The following CCDC93 variants were observed in gnomAD, a reference collection of about 807,000 sequenced individuals.
The protein encoded by CCDC93 is CCC complex scaffolding subunit CCDC93.
In CCDC93, 61 loss-of-function variants were observed where a neutral mutation model predicts 108.2. That is an observed-to-expected ratio of 0.56 (90% CI 0.46 to 0.70). The LOEUF is 0.70. Among genes scored for constraint, CCDC93 ranks in the 30% least tolerant of loss-of-function variants. The pLI, the probability that CCDC93 is intolerant of heterozygous loss-of-function variation, is 0.00. For synonymous variants in CCDC93, 276 were observed against 260.4 expected, an observed-to-expected ratio of 1.06 and a Z score of -0.58; for missense variants, 685 against 764.2, an observed-to-expected ratio of 0.90 and a Z score of 1.22.
intron 5 of CCDC93, 24 bp downstream of exon 5, chr2:117,996,240 A>G (rs1680641816): frequency 3.3e-6 from 5 of 1,505,030 alleles, no homozygotes; most frequent in Non-Finnish European, 4.6e-6. Context: ...CAGTGGGACA[A>G]GAAAATAAAA....
chr2:117,943,972 T>C lies in CCDC93; in HGVS notation c.1413+52A>G. On this transcript the variant is annotated intron_variant, in intron 18 of 23. Coordinates refer to ENST00000376300, the MANE Select transcript of CCDC93 (RefSeq NM_019044.5). ...GACTTTCTAGTTATGTCATAGGACA[T>C]TTATACCTAGTTAGAAGCATTTATG... 2.4e-6 allele frequency: 3 copies of C among 1,270,054 alleles called. No homozygotes were observed. In the South Asian group the frequency reaches 4.1e-5, roughly 17 times the overall value. The allele number at this position is 1,270,054 out of a possible 1,614,324, so 78.7% of individuals were successfully genotyped here. A position where few individuals can be genotyped will look rare whatever the true frequency, so the allele number is the denominator to read the frequency against.
Position 117,948,091 on chromosome 2 carries a change from C to A in CCDC93, c.1224+14G>T. On this transcript the variant is annotated intron_variant, in intron 15 of 23. Transcript: ENST00000376300. ...AGCGTCCTGGTTTATTTGCTGACACCAAACAACACTTACTCGACAATGTGC... is the reference window on the plus strand; with the variant it reads ...AGCGTCCTGGTTTATTTGCTGACACAAAACAACACTTACTCGACAATGTGC... 1 of 1,602,344 alleles carries A rather than the reference C, an allele frequency of 6.2e-7. No homozygotes were observed.
At chr2:117,926,339 T>C (rs1678094346) in intron 23 of CCDC93, among the ~76,000 whole-genome samples, 1 of 152,112 alleles carries the variant, frequency 6.6e-6, no homozygotes, top group South Asian at 2.1e-4. Flanking sequence ...AGCTGGTTTT[T>C]TGAAAAGATC....
intron 23 of CCDC93, among the ~76,000 whole-genome samples, chr2:117,927,313 AAAG>A (rs1435376828): frequency 1.3e-5 from 2 of 152,178 alleles, no homozygotes; most frequent in African/African-American, 2.4e-5. Flanking sequence ...TCAATTAGGA[AAAG>A]AAGAAGTCAA....
chr2:117,963,601 T>C (rs1391093015), intron 11 of CCDC93, among the ~76,000 whole-genome samples: 1 of 152,230 alleles, frequency 6.6e-6, no homozygotes, highest in African/African-American at 2.4e-5. Flanking sequence ...CCCATAGTTA[T>C]GTAACCTTGT....
At chr2:117,938,172 G>A (rs1373741374) in intron 20 of CCDC93, among the ~76,000 whole-genome samples, 1 of 152,126 alleles carries the variant, frequency 6.6e-6, no homozygotes, top group Non-Finnish European at 1.5e-5. Flanking sequence ...CATCATCAAT[G>A]CAATTAGGTG....
chr2:117,984,309 T>C (rs1463771930), intron 7 of CCDC93, among the ~76,000 whole-genome samples: 1 of 152,050 alleles, frequency 6.6e-6, no homozygotes, highest in Admixed American at 6.6e-5. Flanking sequence ...GGAACCAGGA[T>C]TGGTATCAAG....
intron 1 of CCDC93, 28 bp from the exon 2 acceptor site, chr2:118,008,686 G>A (rs1676941371): frequency 1.4e-6 from 2 of 1,460,704 alleles, no homozygotes; most frequent in Non-Finnish European, 1.9e-6. Flanking sequence ...ACTTTGGCTG[G>A]TAAAAGATAT....
At chr2:117,946,236 A>C (rs1678870731) in intron 16 of CCDC93, among the ~76,000 whole-genome samples, 1 of 152,124 alleles carries the variant, frequency 6.6e-6, no homozygotes, top group African/African-American at 2.4e-5. Context: ...TGTCCTCCCT[A>C]AGCCTCAAGT....
At chr2:118,007,436 C>T (rs914161723) in intron 2 of CCDC93, among the ~76,000 whole-genome samples, 1 of 152,198 alleles carries the variant, frequency 6.6e-6, no homozygotes, top group Admixed American at 6.5e-5. Flanking sequence ...CTTTGGGAGG[C>T]TGAGGCGGGT....
intron 6 of CCDC93, among the ~76,000 whole-genome samples, chr2:117,987,835 T>C (rs1475805833): frequency 6.6e-6 from 1 of 152,218 alleles, no homozygotes; most frequent in Non-Finnish European, 1.5e-5. Flanking sequence ...GTAGCAATTG[T>C]AATAGTTATC....
At chr2:117,947,802 TC>T (rs1391448596) in intron 15 of CCDC93, among the ~76,000 whole-genome samples, 1 of 151,312 alleles carries the variant, frequency 6.6e-6, no homozygotes, top group Admixed American at 6.6e-5. Flanking sequence ...CACGCCATTC[TC>T]CTGCCTCAGC....
chr2:117,973,268 C>A (rs760865560), intron 11 of CCDC93, among the ~76,000 whole-genome samples: 1 of 152,050 alleles, frequency 6.6e-6, no homozygotes, highest in Non-Finnish European at 1.5e-5. Flanking sequence ...GGGGACAGGG[C>A]TGGGGCAGGA....
chr2:117,987,792 TA>T (rs975603399), intron 6 of CCDC93, among the ~76,000 whole-genome samples: 1 of 152,214 alleles, frequency 6.6e-6, no homozygotes, highest in African/African-American at 2.4e-5. Flanking sequence ...AAAAGGAATA[TA>T]AAATCAATTT....
At chr2:117,933,977 A>C (rs930670403) in intron 22 of CCDC93, 8 of 152,030 alleles carry the variant, frequency 5.3e-5, no homozygotes, top group African/African-American at 1.9e-4. Flanking sequence ...GGCACCCACC[A>C]TGGAGGGGAG....
intron 18 of CCDC93, among the ~76,000 whole-genome samples, chr2:117,943,090 C>T (rs1283313297): frequency 1.2e-4 from 19 of 152,228 alleles, no homozygotes; most frequent in Non-Finnish European, 2.5e-4. Context: ...TCTACAGCCA[C>T]TGCCTAACTC....
At chr2:117,962,158 A>C (rs1679416951) in intron 11 of CCDC93, among the ~76,000 whole-genome samples, 1 of 152,224 alleles carries the variant, frequency 6.6e-6, no homozygotes, top group South Asian at 2.1e-4. Context: ...ATACTTTTAT[A>C]ATTGAAAGAA....
At chr2:117,961,082 GT>G (rs1679376593) in intron 11 of CCDC93, among the ~76,000 whole-genome samples, 2 of 151,926 alleles carry the variant, frequency 1.3e-5, no homozygotes, top group Admixed American at 1.3e-4. Context: ...GGTTCACTTG[GT>G]AACCCACCCA....
chr2:117,981,471 C>T (rs939743028), intron 7 of CCDC93, among the ~76,000 whole-genome samples: 1 of 152,196 alleles, frequency 6.6e-6, no homozygotes, highest in Admixed American at 6.5e-5. Flanking sequence ...CTTCCATTTG[C>T]TCCTGCATTC....
Sources: allele counts gnomAD v4.1 joint callset (sites outside exome capture counted in the v4.1 genomes callset), GRCh38; gene constraint gnomAD v4.1.1; transcripts MANE v1.5; gene names NCBI Gene and HGNC (gene_info 2026-07-23, HGNC 2026-07-21).